Variants in SCLT1 observed in about 807,000 individuals in gnomAD.
SCLT1 encodes the protein sodium channel and clathrin linker 1, also known as sodium channel-associated protein 1.
Under a neutral mutation model 112.8 loss-of-function variants are expected in SCLT1, and 78 were observed. The ratio of observed to expected loss-of-function variants is 0.69; its 90% confidence interval spans 0.58 to 0.83. SCLT1 has a LOEUF of 0.83. Among genes scored for constraint, SCLT1 ranks in the 40% least tolerant of loss-of-function variants. The pLI, the probability that SCLT1 is intolerant of heterozygous loss-of-function variation, is 0.00. For missense variants in SCLT1, 747 were observed against 770.4 expected, an observed-to-expected ratio of 0.97 and a Z score of 0.36; for synonymous variants, 257 against 254.7, an observed-to-expected ratio of 1.01 and a Z score of -0.09.
chr4:129,046,167 G>A (rs1470808433), intron 2 of SCLT1, among the ~76,000 whole-genome samples: 3 of 152,054 alleles, frequency 2.0e-5, no homozygotes, highest in Non-Finnish European at 4.4e-5. Flanking sequence ...CAGAATACAA[G>A]TACTCTTCAC....
intron 18 of SCLT1, among the ~76,000 whole-genome samples, chr4:128,932,004 C>T (rs1579415260): frequency 6.6e-6 from 1 of 151,088 alleles, no homozygotes; most frequent in South Asian, 2.1e-4. Context: ...GGTATGTTGT[C>T]CATCTTCCTC....
intron 1 of SCLT1, among the ~76,000 whole-genome samples, chr4:129,087,668 GGCTTCA>G: frequency 6.6e-6 from 1 of 150,696 alleles, no homozygotes; most frequent in South Asian, 2.1e-4. Flanking sequence ...GCAGGTGGAG[GGCTTCA>G]GCCTAGGAGT....
chr4:128,966,060 G>A (rs1044767392), intron 10 of SCLT1, among the ~76,000 whole-genome samples: 3 of 150,886 alleles, frequency 2.0e-5, no homozygotes, highest in African/African-American at 7.3e-5. Context: ...TTGAACTCCT[G>A]ACCTCGTGAT....
Position 129,003,673 on chromosome 4 carries a change from G to T in SCLT1, c.426+68C>A, listed in dbSNP as rs796887542. 3.3e-6 allele frequency: 4 copies of T among 1,198,472 alleles called. No individual in the cohort carries two copies. The South Asian group carries it at 4.3e-5, about 13-fold the overall frequency. 74.2% of individuals were successfully genotyped at this position (1,198,472 alleles called of 1,614,324 possible). On this transcript the variant is annotated intron_variant, in intron 6 of 20. Coordinates refer to ENST00000281142, the MANE Select transcript of SCLT1 (RefSeq NM_144643.4). ...TATTATTTTGTTATCCATAAATAAT[G>T]ATTAACATGAATTTTTAAAAAGGTA...
rs767050889 is a variant in SCLT1 at position 129,044,091 on chromosome 4, A to C, written c.103-40T>G. ...ACATCTTAAAATGTGTTCTCACATC[A>C]TTCTAGCCAAAATTGATAGTGATAT... On this transcript the variant is annotated intron_variant, in intron 2 of 20. Coordinates refer to ENST00000281142, the MANE Select transcript of SCLT1 (RefSeq NM_144643.4). 71 of 1,059,534 alleles carry C rather than the reference A, an allele frequency of 6.7e-5. No individual in the cohort carries two copies. In the East Asian group the frequency reaches 1.7e-3, roughly 25 times the overall value. The allele number at this position is 1,059,534 out of a possible 1,614,324, so 65.6% of individuals were successfully genotyped here. A position where few individuals can be genotyped will look rare whatever the true frequency, so the allele number is the denominator to read the frequency against.
intron 5 of SCLT1, among the ~76,000 whole-genome samples, chr4:129,018,629 T>C (rs1745191511): frequency 6.6e-6 from 1 of 152,184 alleles, no homozygotes; most frequent in Non-Finnish European, 1.5e-5. Context: ...ATATAGTTTA[T>C]GCATGAAAGA....
chr4:129,010,201 G>C (rs1744397343), intron 5 of SCLT1, among the ~76,000 whole-genome samples: 2 of 152,094 alleles, frequency 1.3e-5, no homozygotes, highest in South Asian at 4.2e-4. Flanking sequence ...CTTGAGTTAG[G>C]TTTGTCGAGA....
rs373234259 is a variant in SCLT1 at position 129,049,440 on chromosome 4, G to A, written c.103-5389C>T. Among the ~76,000 whole-genome samples the A allele has an allele frequency of 5.7e-5, 8 of 140,272 alleles. No individual in the cohort carries two copies. The East Asian group carries it at 1.3e-3, about 23-fold the overall frequency. 92.0% of individuals were successfully genotyped at this position (140,272 alleles called of 152,430 possible). Reference sequence around the variant, plus strand: ...TGGGAATTGAACAATGAGAACACATGGACACAGGAAGGGGAACATCACACT... The same window carrying A: ...TGGGAATTGAACAATGAGAACACATAGACACAGGAAGGGGAACATCACACT... On this transcript the variant is annotated intron_variant, in intron 2 of 20. Coordinates refer to ENST00000281142, the MANE Select transcript of SCLT1 (RefSeq NM_144643.4).
chr4:128,877,319 T>A (rs1351673357), intron 3 of SCLT1, among the ~76,000 whole-genome samples: 1 of 152,064 alleles, frequency 6.6e-6, no homozygotes, highest in African/African-American at 2.4e-5. Context: ...TAGGGGTAGA[T>A]CTGGGATTCA....
At chr4:128,990,044 T>C (rs1742426222) in intron 9 of SCLT1, among the ~76,000 whole-genome samples, 1 of 151,836 alleles carries the variant, frequency 6.6e-6, no homozygotes, top group Non-Finnish European at 1.5e-5. Flanking sequence ...ATAATACCAA[T>C]CCTACTCTAA....
chr4:128,906,478 G>A (rs970438689), intron 18 of SCLT1, among the ~76,000 whole-genome samples: 3 of 152,274 alleles, frequency 2.0e-5, no homozygotes, highest in East Asian at 1.9e-4. Flanking sequence ...GATTACAGGC[G>A]TGAGTCACTG....
intron 18 of SCLT1, among the ~76,000 whole-genome samples, chr4:128,926,531 A>T (rs1364079578): frequency 6.6e-6 from 1 of 152,154 alleles, no homozygotes; most frequent in Non-Finnish European, 1.5e-5. Context: ...AGAATTCACC[A>T]CCAGTAGATC....
intron 5 of SCLT1, among the ~76,000 whole-genome samples, chr4:129,020,836 T>C (rs1745407924): frequency 6.6e-6 from 1 of 152,214 alleles, no homozygotes; most frequent in Non-Finnish European, 1.5e-5. Context: ...TATTGAGCAG[T>C]TTAATGTATA....
intron 18 of SCLT1, among the ~76,000 whole-genome samples, chr4:128,919,013 G>T (rs1434396664): frequency 6.6e-6 from 1 of 152,102 alleles, no homozygotes; most frequent in Non-Finnish European, 1.5e-5. Context: ...GTATTAGGCA[G>T]ATGATCAAAT....
At chr4:128,896,091 T>G (rs2125928548) in intron 18 of SCLT1, among the ~76,000 whole-genome samples, 1 of 126,454 alleles carries the variant, frequency 7.9e-6, no homozygotes, top group East Asian at 2.3e-4. Context: ...TGCCTGCCTC[T>G]GTAGGCTCCA....
intron 2 of SCLT1, among the ~76,000 whole-genome samples, 183 bp downstream of exon 2, chr4:129,082,123 A>T (rs139292785): frequency 6.6e-6 from 1 of 152,310 alleles, no homozygotes; most frequent in Admixed American, 6.5e-5. Context: ...TATATCATAT[A>T]TAATATATAA....
chr4:129,029,646 G>A (rs531137981), intron 5 of SCLT1, among the ~76,000 whole-genome samples: 9 of 151,870 alleles, frequency 5.9e-5, no homozygotes, highest in African/African-American at 2.2e-4. Flanking sequence ...TCTGCACATT[G>A]TGCACATGTA....
intron 4 of SCLT1, among the ~76,000 whole-genome samples, chr4:129,040,938 G>T (rs1747644573): frequency 6.6e-6 from 1 of 151,986 alleles, no homozygotes; most frequent in Non-Finnish European, 1.5e-5. Flanking sequence ...TTAATTAAGT[G>T]ATCAACCTTT....
chr4:128,993,954 C>A (rs1742792476), intron 8 of SCLT1, among the ~76,000 whole-genome samples: 1 of 152,028 alleles, frequency 6.6e-6, no homozygotes, highest in African/African-American at 2.4e-5. Context: ...ATGTACCATT[C>A]ATGTCAGAGC....
Sources: allele counts gnomAD v4.1 joint callset (sites outside exome capture counted in the v4.1 genomes callset), GRCh38; gene constraint gnomAD v4.1.1; transcripts MANE v1.5; gene names NCBI Gene and HGNC (gene_info 2026-07-23, HGNC 2026-07-21).